The following ATR variants were observed in gnomAD, a reference collection of about 807,000 sequenced individuals.
ATR encodes serine/threonine-protein kinase ATR.
A neutral mutation model predicts 305.3 loss-of-function variants in ATR; 142 were observed. The ratio of observed to expected loss-of-function variants is 0.47; its 90% CI spans 0.41 to 0.53. The LOEUF is 0.53. ATR is among the 20% of genes least tolerant of loss of function. The pLI is 0.00. For synonymous variants in ATR, 1,050 were observed against 1,068.1 expected (o/e 0.98, Z 0.33); for missense variants, 2,135 against 3,133.1 (o/e 0.68, Z 7.60).
intron 1 of ATR, among the ~76,000 whole-genome samples, chr3:142,571,929 G>A (rs1386132015): frequency 6.6e-6 from 1 of 152,044 alleles, no homozygotes; most frequent in East Asian, 1.9e-4. Context: ...ACCACACCCA[G>A]CTAATTTTTG....
intron 21 of ATR, among the ~76,000 whole-genome samples, chr3:142,531,943 C>A (rs1296316046): frequency 6.6e-6 from 1 of 152,238 alleles, no homozygotes; most frequent in African/African-American, 2.4e-5. Context: ...TTAATGATCA[C>A]CATTCTAACT....
chr3:142,577,281 A>C (rs140683376), intron 1 of ATR, among the ~76,000 whole-genome samples: 169 of 152,352 alleles, frequency 1.1e-3, no homozygotes, highest in Middle Eastern at 6.8e-3. Context: ...AATTATTTTT[A>C]TTAACAGGAC....
intron 42 of ATR, among the ~76,000 whole-genome samples, chr3:142,460,522 C>T (rs2071001491): frequency 6.6e-6 from 1 of 152,018 alleles, no homozygotes; most frequent in Non-Finnish European, 1.5e-5. Flanking sequence ...CCAGAAGCCA[C>T]AGAACACCAG....
rs985214824 is a variant in ATR at position 142,550,220 on chromosome 3, T to C, written c.2888A>G (p.Asp963Gly). ...PCQNADVRKQ[D>G]VAHQREMALN... ...AGCCATTTCTCTCTGGTGAGCCACA[T>C]CTTGTTTTCGCACGTCAGCATTCTG... The change falls in exon 14 of 47, where the codon GAT (aspartate) becomes GGT (glycine). Residue 963 changes from aspartate to glycine, a missense_variant. Asp to Gly is a moderately conservative substitution (Grantham distance 94). This residue lies in a region of ATR where 530 missense variants were observed against 766.8 expected (regional missense o/e 0.69). Transcript: ENST00000350721. 2 of 1,614,056 alleles carry C rather than the reference T, an allele frequency of 1.2e-6. No homozygotes were observed. Among genetic ancestry groups the C allele is most frequent in the African/African-American group, 2.7e-5 (2 of 74,936 alleles).
chr3:142,498,561 T>C (rs906950595), intron 32 of ATR, 36 bp downstream of exon 32: 2 of 1,603,510 alleles, frequency 1.2e-6, no homozygotes, highest in Non-Finnish European at 1.7e-6. Flanking sequence ...GTGACATTTA[T>C]AGGCCAGAAA....
chr3:142,515,623 A>C, intron 24 of ATR, 108 bp from the exon 25 acceptor site: 1 of 1,214,894 alleles, frequency 8.2e-7, no homozygotes, highest in Non-Finnish European at 1.2e-6. Flanking sequence ...CCTTGCCTTT[A>C]CTGCAATCTG....
rs535766576 is a variant in ATR at position 142,558,718 on chromosome 3, T to C, written c.1791A>G (p.Pro597=). ...LEDLCGMLSL[P]WIYSHSDDGC... is the part of the protein sequence containing the mutation. ...CATCATCAGAATGGGAATAAATCCA[T>C]GGAAGTGAGAGCATACCACATAAAT... The change falls in exon 8 of 47, where the codon CCA becomes CCG. Residue 597 remains proline, a synonymous_variant. Transcript: ENST00000350721. 24 of 1,612,622 alleles carry C rather than the reference T, an allele frequency of 1.5e-5. 1 individual carries two copies. The South Asian group carries it at 2.2e-4, about 15-fold the overall frequency.
At chr3:142,510,940 G>T (rs2032519088) in intron 27 of ATR, among the ~76,000 whole-genome samples, 1 of 152,174 alleles carries the variant, frequency 6.6e-6, no homozygotes, top group Non-Finnish European at 1.5e-5. Context: ...CTTAGTGAAA[G>T]TTGTAATATC....
intron 32 of ATR, among the ~76,000 whole-genome samples, chr3:142,497,911 T>A (rs964953098): frequency 2.6e-5 from 4 of 152,310 alleles, no homozygotes; most frequent in Non-Finnish European, 4.4e-5. Context: ...TTCCCCCTTG[T>A]ATGATAGTCA....
intron 3 of ATR, among the ~76,000 whole-genome samples, chr3:142,565,648 G>A (rs529848035): frequency 5.4e-5 from 8 of 147,640 alleles, no homozygotes; most frequent in African/African-American, 2.0e-4. Flanking sequence ...ATGGTCCCAG[G>A]TATGCAGGAG....
At chr3:142,565,864 G>A (rs2035053143) in intron 3 of ATR, among the ~76,000 whole-genome samples, 1 of 149,078 alleles carries the variant, frequency 6.7e-6, no homozygotes, top group South Asian at 2.1e-4. Flanking sequence ...ACCAAAAACA[G>A]AAAAAAGAAA....
At chr3:142,468,483 G>C (rs1317588394) in intron 38 of ATR, among the ~76,000 whole-genome samples, 1 of 151,984 alleles carries the variant, frequency 6.6e-6, no homozygotes, top group African/African-American at 2.4e-5. Context: ...ATATGAAATT[G>C]TACGGCAACA....
At position 142,507,112 on chromosome 3, in the gene ATR, G is replaced by C. The variant is rs145120606; in HGVS notation, c.5031+819C>G. 1.2e-4 allele frequency among the ~76,000 whole-genome samples: 19 copies of C among 152,266 alleles called. No individual in the cohort carries two copies. The East Asian group carries it at 3.5e-3, about 28-fold the overall frequency. ...TGGACAAGGAGGAACACAAAGATAG[G>C]AAGGGGCTAATATTCATCTTAAGAC... On this transcript the variant is annotated intron_variant, in intron 28 of 46. Transcript: ENST00000350721.
intron 28 of ATR, 67 bp downstream of exon 28, chr3:142,507,864 A>G: frequency 7.1e-7 from 1 of 1,401,042 alleles, no homozygotes; most frequent in South Asian, 1.2e-5. Flanking sequence ...AATAAAATGA[A>G]CAACATAAAC....
Position 142,451,095 on chromosome 3 carries a change from T to C in ATR, c.7762-1493A>G, listed in dbSNP as rs550770601. On this transcript the variant is annotated intron_variant, in intron 46 of 46. Transcript: ENST00000350721. ...CTGGCTGGTTTGTCTACCTGGTCAA[T>C]TGTGAAACAGCCCCTGCTGCTCAGG... The C allele has an allele frequency of 9.8e-5, 125 of 1,276,236 alleles. No individual in the cohort carries two copies. In the African/African-American group the frequency reaches 1.9e-3, roughly 19 times the overall value. 79.1% of individuals were successfully genotyped at this position (1,276,236 alleles called of 1,614,324 possible).
intron 46 of ATR, chr3:142,451,922 A>C (rs2070799523): frequency 1.6e-6 from 2 of 1,275,574 alleles, no homozygotes; most frequent in Non-Finnish European, 2.0e-6. Context: ...CCTCAGTAAA[A>C]GGTATCCAGT....
chr3:142,548,910 T>C (rs548229310), intron 15 of ATR, among the ~76,000 whole-genome samples: 1 of 152,194 alleles, frequency 6.6e-6, no homozygotes, highest in Non-Finnish European at 1.5e-5. Flanking sequence ...GCATATATTA[T>C]GAAACAAATT....
chr3:142,466,354 A>G lies in ATR; in HGVS notation c.6867T>C (p.His2289=), dbSNP rs1490393632. The change falls in exon 40 of 47, where the codon CAT becomes CAC. Residue 2289 remains histidine, a synonymous_variant. Transcript: ENST00000350721. ...CATCAAACCCTGCAATATAGGCCCA[A>G]TGTCCAGGAAATGGTTCATGGCTAG... The part of the protein sequence containing the change: ...NHASHEPFPG[H]WAYIAGFDDM... 6.2e-7 allele frequency: 1 copy of G among 1,613,966 alleles called. No individual in the cohort carries two copies. Among genetic ancestry groups the G allele is most frequent in the Non-Finnish European group, 8.5e-7 (1 of 1,179,876 alleles).
chr3:142,543,722 T>G (rs2034152008), intron 16 of ATR, among the ~76,000 whole-genome samples: 1 of 152,030 alleles, frequency 6.6e-6, no homozygotes. Context: ...TAGGCTGAAG[T>G]GTAGTGGCAC....
Sources: gnomAD v4.1 joint callset for allele counts (sites outside exome capture counted in the v4.1 genomes callset) on GRCh38, gnomAD v4.1.1 for gene constraint, gnomAD v4.1.1 regional missense constraint, MANE v1.5 for transcripts, NCBI Gene and HGNC (gene_info 2026-07-23, HGNC 2026-07-21) for gene names.